Variants in TPST1 observed in about 807,000 individuals in gnomAD.
TPST1 encodes tyrosylprotein sulfotransferase 1.
TPST1 carries 20 observed loss-of-function variants against 34.8 expected under a neutral mutation model. The ratio of observed to expected loss-of-function variants is 0.57; its 90% confidence interval spans 0.40 to 0.84. TPST1 has a LOEUF of 0.84. TPST1 is among the 40% of genes least tolerant of loss of function. The probability of loss-of-function intolerance (pLI) is 0.00; values close to 1 mark genes in which losing one functional copy is unlikely to be tolerated. For missense variants in TPST1, 353 were observed against 455.5 expected (o/e 0.78, Z 2.05); for synonymous variants, 152 against 159.4 (o/e 0.95, Z 0.35).
At chr7:66,313,817 C>A (rs1473998198) in intron 3 of TPST1, among the ~76,000 whole-genome samples, 1 of 151,940 alleles carries the variant, frequency 6.6e-6, no homozygotes, top group Non-Finnish European at 1.5e-5. Context: ...TAAAATATTT[C>A]AATGTTGTTA....
At chr7:66,274,212 C>T (rs540629083) in intron 2 of TPST1, among the ~76,000 whole-genome samples, 1 of 151,722 alleles carries the variant, frequency 6.6e-6, no homozygotes, top group South Asian at 2.1e-4. Flanking sequence ...ACTAAAAATA[C>T]AAAAAATTAG....
chr7:66,314,871 T>A (rs762541369), intron 3 of TPST1, among the ~76,000 whole-genome samples: 64 of 152,192 alleles, frequency 4.2e-4, no homozygotes, highest in Admixed American at 1.2e-3. Context: ...ACCACTGTCA[T>A]AAGTGTGGTT....
intron 1 of TPST1, among the ~76,000 whole-genome samples, chr7:66,228,645 T>C (rs1789714243): frequency 6.6e-6 from 1 of 152,238 alleles, no homozygotes; most frequent in African/African-American, 2.4e-5. Context: ...TGAGTGAGTT[T>C]GGTTTGCTTT....
At chr7:66,297,701 G>A (rs1157597954) in intron 3 of TPST1, among the ~76,000 whole-genome samples, 2 of 152,176 alleles carry the variant, frequency 1.3e-5, no homozygotes, top group African/African-American at 4.8e-5. Context: ...GTCAGCTGGG[G>A]GACAGGGGTT....
upstream of TPST1, chr7:66,205,090 GC>G (rs1391897118): frequency 1.3e-5 from 2 of 152,184 alleles, no homozygotes; most frequent in Non-Finnish European, 2.9e-5. The surrounding 1 kb of genome is among the most constrained non-coding windows in gnomAD (Gnocchi z 5.0). Context: ...CTGCCGGGAA[GC>G]CCCCTCGGGA....
chr7:66,241,298 G>T (rs752379582), intron 2 of TPST1, 28 bp downstream of exon 2: 5 of 1,569,474 alleles, frequency 3.2e-6, no homozygotes, highest in South Asian at 2.4e-5. Context: ...TTTTTATTTT[G>T]ACTCTATATT....
chr7:66,321,999 C>G (rs1276765113), intron 3 of TPST1, among the ~76,000 whole-genome samples: 1 of 152,194 alleles, frequency 6.6e-6, no homozygotes, highest in Non-Finnish European at 1.5e-5. Context: ...TTTCAAATAA[C>G]TTCTCCCATC....
At chr7:66,335,061 G>A (rs1469490277) in intron 3 of TPST1, among the ~76,000 whole-genome samples, 1 of 152,152 alleles carries the variant, frequency 6.6e-6, no homozygotes, top group African/African-American at 2.4e-5. Context: ...CAGTGTCTTA[G>A]TGCCACTGGG....
At chr7:66,358,237 G>A (rs887643697) in intron 5 of TPST1, among the ~76,000 whole-genome samples, 1 of 151,966 alleles carries the variant, frequency 6.6e-6, no homozygotes, top group Non-Finnish European at 1.5e-5. Context: ...GACAGAGCGA[G>A]ACTTCGTCTC....
chr7:66,298,414 T>C lies in TPST1; in HGVS notation c.1044+11705T>C, dbSNP rs541187701. Among the ~76,000 whole-genome samples the C allele has an allele frequency of 2.0e-5, 3 of 152,326 alleles. No individual in the cohort carries two copies. The South Asian group carries it at 6.2e-4, about 32-fold the overall frequency. ...TCTCTTTATCTCTGCTGTTACCCTC[T>C]GAAAGTCTACTTTATCTGATATGAA... On this transcript the variant is annotated intron_variant, in intron 3 of 5. Transcript: ENST00000304842.
intron 1 of TPST1, among the ~76,000 whole-genome samples, chr7:66,221,916 T>C (rs1789551189): frequency 6.6e-6 from 1 of 152,240 alleles, no homozygotes; most frequent in African/African-American, 2.4e-5. Flanking sequence ...GAGGCAATGA[T>C]TGAAATTGCA....
intron 3 of TPST1, among the ~76,000 whole-genome samples, chr7:66,349,892 C>A (rs1389765362): frequency 6.6e-6 from 1 of 152,156 alleles, no homozygotes; most frequent in African/African-American, 2.4e-5. Context: ...TCTTCTTGAC[C>A]CACAGACAAT....
chr7:66,220,904 G>A (rs1028769712), intron 1 of TPST1, among the ~76,000 whole-genome samples: 2 of 152,156 alleles, frequency 1.3e-5, no homozygotes, highest in Non-Finnish European at 2.9e-5. Context: ...AGGCCAAGGT[G>A]GGTAGATCAC....
chr7:66,309,759 T>C (rs1263831709), intron 3 of TPST1, among the ~76,000 whole-genome samples: 1 of 152,190 alleles, frequency 6.6e-6, no homozygotes, highest in East Asian at 1.9e-4. Context: ...ATGCCAGATA[T>C]TCATTTTCCC....
chr7:66,255,053 A>C (rs1490857070), intron 2 of TPST1, among the ~76,000 whole-genome samples: 1 of 151,194 alleles, frequency 6.6e-6, no homozygotes, highest in Admixed American at 6.6e-5. Context: ...AGGCTGAGGC[A>C]GGAGAATGGA....
intron 3 of TPST1, among the ~76,000 whole-genome samples, chr7:66,327,022 G>C (rs1364832095): frequency 6.6e-6 from 1 of 152,128 alleles, no homozygotes; most frequent in Non-Finnish European, 1.5e-5. Flanking sequence ...TTGTGTTTTA[G>C]AGATAATGAG....
intron 2 of TPST1, among the ~76,000 whole-genome samples, chr7:66,251,391 T>C (rs1194346032): frequency 6.6e-6 from 1 of 152,212 alleles, no homozygotes; most frequent in Non-Finnish European, 1.5e-5. Context: ...TAGTATGTTA[T>C]TTTTATTGTC....
At chr7:66,313,143 C>T (rs944738919) in intron 3 of TPST1, among the ~76,000 whole-genome samples, 6 of 151,778 alleles carry the variant, frequency 4.0e-5, no homozygotes, top group South Asian at 2.1e-4. Flanking sequence ...TAGCCAGGCG[C>T]GGTGGCTCAT....
At chr7:66,263,785 C>T (rs1790534175) in intron 2 of TPST1, among the ~76,000 whole-genome samples, 1 of 152,102 alleles carries the variant, frequency 6.6e-6, no homozygotes, top group Admixed American at 6.6e-5. Flanking sequence ...GTGACATCAG[C>T]AAAAGCGGCA....
Sources: allele counts gnomAD v4.1 joint callset (sites outside exome capture counted in the v4.1 genomes callset), GRCh38; gene constraint gnomAD v4.1.1; non-coding constraint Gnocchi (gnomAD v3.1); transcripts MANE v1.5; gene names NCBI Gene and HGNC (gene_info 2026-07-23, HGNC 2026-07-21).